TEAD1: variants seen among roughly 807,000 people sequenced by gnomAD.
TEAD1 encodes TEA domain transcription factor 1.
In TEAD1, 9 loss-of-function variants were observed where a neutral mutation model predicts 54.9. That is an observed-to-expected ratio of 0.16 (90% CI 0.10 to 0.29). TEAD1 has a LOEUF of 0.29. Among genes scored for constraint, TEAD1 ranks in the 10% least tolerant of loss-of-function variants. The pLI is 1.00. For synonymous variants in TEAD1, 200 were observed against 187.8 expected (o/e 1.07, Z -0.53); for missense variants, 387 against 535.9 (o/e 0.72, Z 2.74).
At chr11:12,727,361 G>A (rs886558652) in intron 2 of TEAD1, among the ~76,000 whole-genome samples, 1 of 152,150 alleles carries the variant, frequency 6.6e-6, no homozygotes, top group Admixed American at 6.5e-5. Flanking sequence ...GAGTGAGGGG[G>A]TTTTAGAATG....
At chr11:12,703,995 T>C (rs1272042375) in intron 2 of TEAD1, among the ~76,000 whole-genome samples, 1 of 152,246 alleles carries the variant, frequency 6.6e-6, no homozygotes, top group East Asian at 1.9e-4. Context: ...GGATGTGCTT[T>C]TAAAAAACAG....
At chr11:12,715,034 G>C (rs1160065550) in intron 2 of TEAD1, among the ~76,000 whole-genome samples, 1 of 152,150 alleles carries the variant, frequency 6.6e-6, no homozygotes, top group East Asian at 1.9e-4. Flanking sequence ...TCTACCAAGT[G>C]TCAGTATGTG....
At chr11:12,881,422 G>T (rs1039452020) in intron 7 of TEAD1, among the ~76,000 whole-genome samples, 3 of 152,138 alleles carry the variant, frequency 2.0e-5, no homozygotes, top group Non-Finnish European at 4.4e-5. Context: ...TAGTAGGATG[G>T]CTAGTAGACA....
At chr11:12,916,044 C>T (rs886075250) in intron 10 of TEAD1, among the ~76,000 whole-genome samples, 6 of 152,080 alleles carry the variant, frequency 3.9e-5, no homozygotes, top group African/African-American at 1.4e-4. Context: ...CTTCCTCTGC[C>T]CATCATTGAA....
intron 11 of TEAD1, among the ~76,000 whole-genome samples, chr11:12,929,727 G>A (rs1948978558): frequency 6.6e-6 from 1 of 152,044 alleles, no homozygotes; most frequent in Admixed American, 6.6e-5. Flanking sequence ...AGGGGCTCAT[G>A]ATCCGTGAGA....
chr11:12,675,611 C>T (rs1943067160), intron 2 of TEAD1, 50 bp downstream of exon 2: 1 of 152,112 alleles, frequency 6.6e-6, no homozygotes, highest in Admixed American at 6.5e-5. Flanking sequence ...AAATGATCCC[C>T]GGGGGGGAGA....
intron 3 of TEAD1, among the ~76,000 whole-genome samples, chr11:12,848,467 T>C (rs1180163252): frequency 2.0e-5 from 3 of 152,214 alleles, no homozygotes; most frequent in Admixed American, 2.0e-4. Context: ...ACTTAACAGT[T>C]GGTCTAATGT....
chr11:12,881,157 GCATTA>G (rs1947957832), intron 7 of TEAD1, 106 bp downstream of exon 7: 10 of 1,271,120 alleles, frequency 7.9e-6, no homozygotes, highest in Admixed American at 1.7e-5. Context: ...GGAGAAAGGA[GCATTA>G]CACTGAGGTC....
At chr11:12,880,979 T>C (rs760052624) in intron 6 of TEAD1, 26 bp from the exon 7 acceptor site, 1 of 1,614,080 alleles carries the variant, frequency 6.2e-7, no homozygotes, top group Admixed American at 1.7e-5. Flanking sequence ...CTCGTAATTC[T>C]GAGGCCTTTG....
At chr11:12,716,610 G>T (rs1220337304) in intron 2 of TEAD1, among the ~76,000 whole-genome samples, 1 of 152,192 alleles carries the variant, frequency 6.6e-6, no homozygotes, top group East Asian at 1.9e-4. Context: ...CCTGGTCTCT[G>T]CCACCACCTC....
At chr11:12,728,921 G>C (rs182594690) in intron 2 of TEAD1, among the ~76,000 whole-genome samples, 1 of 152,346 alleles carries the variant, frequency 6.6e-6, no homozygotes, top group East Asian at 1.9e-4. Context: ...CATGGCTATT[G>C]TGTGGGTGGT....
intron 9 of TEAD1, among the ~76,000 whole-genome samples, chr11:12,896,158 G>T (rs1437166510): frequency 2.6e-5 from 4 of 152,126 alleles, no homozygotes; most frequent in African/African-American, 9.7e-5. Flanking sequence ...GTGTATGGTT[G>T]TCTTCTTAAA....
chr11:12,812,874 G>A (rs1375404964), intron 3 of TEAD1, among the ~76,000 whole-genome samples: 1 of 152,198 alleles, frequency 6.6e-6, no homozygotes, highest in East Asian at 1.9e-4. Flanking sequence ...AATACAGCAA[G>A]AATTCAATAG....
chr11:12,675,049 G>C (rs1232374354), intron 1 of TEAD1, among the ~76,000 whole-genome samples: 1 of 146,420 alleles, frequency 6.8e-6, no homozygotes, highest in Non-Finnish European at 1.5e-5. Context: ...CGACTTGCCA[G>C]GACGCCAAGT....
At chr11:12,723,306 T>C (rs1944250240) in intron 2 of TEAD1, among the ~76,000 whole-genome samples, 1 of 152,216 alleles carries the variant, frequency 6.6e-6, no homozygotes, top group African/African-American at 2.4e-5. Context: ...ATGGCTTTAC[T>C]TACTATGTTT....
At chr11:12,885,181 C>A (rs1209825190) in intron 9 of TEAD1, among the ~76,000 whole-genome samples, 3 of 151,808 alleles carry the variant, frequency 2.0e-5, no homozygotes, top group Non-Finnish European at 4.4e-5. Context: ...TCATTGTATC[C>A]TTTTCACTAT....
At chr11:12,807,827 C>T (rs1946209051) in intron 3 of TEAD1, among the ~76,000 whole-genome samples, 2 of 152,166 alleles carry the variant, frequency 1.3e-5, no homozygotes, top group African/African-American at 2.4e-5. Flanking sequence ...AGTGGCCAGA[C>T]CTGGACAGGT....
intron 3 of TEAD1, among the ~76,000 whole-genome samples, chr11:12,841,359 G>C (rs1337357844): frequency 6.6e-6 from 1 of 152,198 alleles, no homozygotes; most frequent in Non-Finnish European, 1.5e-5. Flanking sequence ...GAGAGTCTCT[G>C]TCTGCTGTGA....
rs530109997 is a variant in TEAD1, at chr11:12,781,120, A to G, written c.202+16686A>G. On this transcript the variant is annotated intron_variant, in intron 3 of 12. Transcript: ENST00000527636. ...TAGGAAATAATAGACTTTTCAACAA[A>G]TGATGCTGAGACATGCGAAGAGTGA... 3.9e-5 allele frequency among the ~76,000 whole-genome samples: 6 copies of G among 152,344 alleles called. 1 individual carries two copies. The South Asian group carries it at 1.2e-3, about 32-fold the overall frequency.
Sources: allele counts gnomAD v4.1 joint callset (sites outside exome capture counted in the v4.1 genomes callset), GRCh38; gene constraint gnomAD v4.1.1; transcripts MANE v1.5; gene names NCBI Gene and HGNC (gene_info 2026-07-23, HGNC 2026-07-21).